The following NR2F1-AS1 variants were observed in gnomAD, a reference collection of about 807,000 sequenced individuals.
The protein encoded by NR2F1-AS1 is NR2F1 regulatory antisense RNA 1.
In NR2F1-AS1 at chr5:93,412,285, G is replaced by A. The variant is rs1408131174; in HGVS notation, n.639-16743C>T. 2.0e-5 allele frequency among the ~76,000 whole-genome samples: 3 copies of A among 152,078 alleles called. No homozygotes were observed. The South Asian group carries it at 6.2e-4, about 31-fold the overall frequency. ...TGGAATAAGATGGCCTCCTAGCTAG[G>A]CCTAGGTCTCCTCTGCCATAGTCTC... On this transcript the variant is annotated intron_variant and non_coding_transcript_variant, in intron 4 of 5. Coordinates refer to ENST00000660523, the Ensembl canonical transcript of NR2F1-AS1.
At chr5:93,467,272 G>GA (rs1750259128) in intron 4 of NR2F1-AS1, among the ~76,000 whole-genome samples, 2 of 152,056 alleles carry the variant, frequency 1.3e-5, no homozygotes, top group African/African-American at 2.4e-5. Context: ...CACAGAATTA[G>GA]AAAAAAACTC....
chr5:93,439,685 A>C (rs1228748403), intron 4 of NR2F1-AS1, among the ~76,000 whole-genome samples: 1 of 152,166 alleles, frequency 6.6e-6, no homozygotes, highest in African/African-American at 2.4e-5. Flanking sequence ...CCAAGCCTCC[A>C]TCCTCATCTC....
Position 93,556,230 on chromosome 5 carries a change from T to A in NR2F1-AS1, n.414-1235A>T, listed in dbSNP as rs1258733000. 2.6e-5 allele frequency among the ~76,000 whole-genome samples: 4 copies of A among 152,208 alleles called. No individual in the cohort carries two copies. In the East Asian group the frequency reaches 5.8e-4, roughly 22 times the overall value. On this transcript the variant is annotated intron_variant and non_coding_transcript_variant, in intron 2 of 5. Transcript: ENST00000660523. ...ATTACCTGCTCCATACATTTTTACATCCAATCATATTTAATTTATTGAAAA... is the reference window on the plus strand; with the variant it reads ...ATTACCTGCTCCATACATTTTTACAACCAATCATATTTAATTTATTGAAAA...
At chr5:93,581,715 T>C (rs1561519081), upstream of NR2F1-AS1, among the ~76,000 whole-genome samples, 9 of 63,266 alleles carry the variant, frequency 1.4e-4, no homozygotes, top group African/African-American at 6.1e-4. Flanking sequence ...TCTCTCTCTC[T>C]CTCTCTCTCT....
intron 4 of NR2F1-AS1, among the ~76,000 whole-genome samples, chr5:93,437,701 T>G (rs1749472623): frequency 6.6e-6 from 1 of 152,176 alleles, no homozygotes; most frequent in Non-Finnish European, 1.5e-5. Context: ...CATATTAAGA[T>G]TCTATCATGA....
chr5:93,455,765 A>C (rs1749931711), intron 4 of NR2F1-AS1, among the ~76,000 whole-genome samples: 1 of 152,018 alleles, frequency 6.6e-6, no homozygotes, highest in Admixed American at 6.6e-5. Context: ...GACATAGAAA[A>C]AGCATTTTTT....
chr5:93,447,549 G>C (rs1430767497), intron 4 of NR2F1-AS1, among the ~76,000 whole-genome samples: 1 of 152,132 alleles, frequency 6.6e-6, no homozygotes, highest in Non-Finnish European at 1.5e-5. Flanking sequence ...AAAAAGTCAG[G>C]AAACAACAGG....
chr5:93,492,595 T>G (rs1263067821), intron 4 of NR2F1-AS1, among the ~76,000 whole-genome samples: 1 of 152,102 alleles, frequency 6.6e-6, no homozygotes, highest in East Asian at 1.9e-4. Context: ...AAGAAAACTA[T>G]AACTCAATAT....
chr5:93,417,887 TCATCAC>T (rs1749001391), intron 4 of NR2F1-AS1, among the ~76,000 whole-genome samples: 1 of 152,146 alleles, frequency 6.6e-6, no homozygotes, highest in Admixed American at 6.5e-5. Flanking sequence ...TCCTTGTAGG[TCATCAC>T]CATACTGAAA....
At chr5:93,533,337 T>C (rs1751771793) in intron 4 of NR2F1-AS1, among the ~76,000 whole-genome samples, 1 of 152,172 alleles carries the variant, frequency 6.6e-6, no homozygotes, top group African/African-American at 2.4e-5. Context: ...ACGAGTTATT[T>C]TCTGAATTTC....
chr5:93,448,333 GAC>G (rs1749760371), intron 4 of NR2F1-AS1, among the ~76,000 whole-genome samples: 1 of 152,094 alleles, frequency 6.6e-6, no homozygotes, highest in African/African-American at 2.4e-5. Context: ...CAAATCATCT[GAC>G]AAGATAGACC....
chr5:93,515,481 T>A (rs1039145860), intron 4 of NR2F1-AS1, among the ~76,000 whole-genome samples: 1 of 151,970 alleles, frequency 6.6e-6, no homozygotes, highest in Non-Finnish European at 1.5e-5. Context: ...CTCTCCTTAG[T>A]GTTTATGGCT....
intron 4 of NR2F1-AS1, among the ~76,000 whole-genome samples, chr5:93,411,753 G>C (rs144598844): frequency 1.3e-5 from 2 of 152,148 alleles, no homozygotes; most frequent in African/African-American, 4.8e-5. Context: ...TCACATACCT[G>C]CATATTTGGA....
In NR2F1-AS1 at chr5:93,537,926, G is replaced by T. The variant is rs559416827; in HGVS notation, n.638+15835C>A. Among the ~76,000 whole-genome samples the T allele has an allele frequency of 2.6e-5, 4 of 152,218 alleles. No individual in the cohort carries two copies. In the South Asian group the frequency reaches 8.3e-4, roughly 32 times the overall value. Reference sequence around the variant, plus strand: ...GCACATTTTACTCATGTCTGTGTGGGTTTTCTCTGGGTACTGCAGTTTCCC... The same window carrying T: ...GCACATTTTACTCATGTCTGTGTGGTTTTTCTCTGGGTACTGCAGTTTCCC... On this transcript the variant is annotated intron_variant and non_coding_transcript_variant, in intron 4 of 5. Transcript: ENST00000660523.
intron 4 of NR2F1-AS1, among the ~76,000 whole-genome samples, chr5:93,511,759 C>A (rs1450924169): frequency 6.6e-5 from 10 of 152,130 alleles, no homozygotes; most frequent in Non-Finnish European, 1.3e-4. Context: ...TCAGCAGTAG[C>A]ATTAGATTCT....
intron 1 of NR2F1-AS1, among the ~76,000 whole-genome samples, chr5:93,566,386 C>G (rs1388457328): frequency 2.0e-5 from 3 of 151,982 alleles, no homozygotes; most frequent in Admixed American, 1.3e-4. Flanking sequence ...TTTTACTACA[C>G]AACTAATTGC....
chr5:93,440,165 CTCTT>C (rs1323228364), intron 4 of NR2F1-AS1, among the ~76,000 whole-genome samples: 2 of 151,960 alleles, frequency 1.3e-5, no homozygotes, highest in African/African-American at 4.8e-5. Flanking sequence ...TCCCTCAATC[CTCTT>C]TCTCTCGCTC....
At chr5:93,577,663 C>T (rs1580349899) in intron 1 of NR2F1-AS1, among the ~76,000 whole-genome samples, 3 of 152,352 alleles carry the variant, frequency 2.0e-5, no homozygotes, top group Admixed American at 2.0e-4. Context: ...TTAAATACAT[C>T]TTCAACTATG....
At chr5:93,543,568 C>T (rs1168093247) in intron 4 of NR2F1-AS1, 1 of 152,074 alleles carries the variant, frequency 6.6e-6, no homozygotes, top group African/African-American at 2.4e-5. Context: ...AGAGAGTAGC[C>T]TAGGAACCAG....
Sources: allele counts gnomAD v4.1 joint callset (sites outside exome capture counted in the v4.1 genomes callset), GRCh38; gene constraint gnomAD v4.1.1; transcripts MANE v1.5; gene names NCBI Gene and HGNC (gene_info 2026-07-23, HGNC 2026-07-21).